ZC3H13: variants seen among roughly 807,000 people sequenced by gnomAD.
ZC3H13 encodes zinc finger CCCH domain-containing protein 13.
Under a neutral mutation model 204.1 loss-of-function variants are expected in ZC3H13, and 64 were observed. The ratio of observed to expected loss-of-function variants is 0.31; its 90% CI spans 0.26 to 0.39. The LOEUF (loss-of-function observed/expected upper bound fraction) is 0.39. Ranked by LOEUF, ZC3H13 falls within the 10% of genes least tolerant of loss-of-function variation. The probability of loss-of-function intolerance (pLI) is 1.00; values close to 1 mark genes in which losing one functional copy is unlikely to be tolerated. For synonymous variants in ZC3H13, 667 were observed against 693.7 expected, an observed-to-expected ratio of 0.96 and a Z score of 0.60; for missense variants, 1,833 against 2,082.7, an observed-to-expected ratio of 0.88 and a Z score of 2.33.
At chr13:46,046,153 T>C (rs915376823) in intron 1 of ZC3H13, among the ~76,000 whole-genome samples, 6 of 152,246 alleles carry the variant, frequency 3.9e-5, no homozygotes, top group African/African-American at 7.2e-5. Flanking sequence ...TCAATGTTGA[T>C]AGAAACAACT....
At position 45,962,194 on chromosome 13, in the gene ZC3H13, A is replaced by G. The variant is rs542940385; in HGVS notation, c.4675+1648T>C. 2.1e-5 allele frequency: 21 copies of G among 985,430 alleles called. No homozygotes were observed. In the South Asian group the frequency reaches 5.2e-4, roughly 24 times the overall value. 61.0% of individuals were successfully genotyped at this position (985,430 alleles called of 1,614,324 possible). ...CCTTGGATATGGCAGTAAACAAGAC[A>G]AAGTCTTTATTCAAGATAATACATC... On this transcript the variant is annotated intron_variant, in intron 17 of 18. Transcript: ENST00000679008.
chr13:45,977,985 A>T (rs1187411132), intron 11 of ZC3H13, among the ~76,000 whole-genome samples: 2 of 152,062 alleles, frequency 1.3e-5, no homozygotes, highest in Non-Finnish European at 2.9e-5. Context: ...CTCTGACTCC[A>T]ATCTCATAAT....
At chr13:45,980,153 T>C (rs1389189343) in intron 10 of ZC3H13, 149 bp from the exon 11 acceptor site, 1 of 686,162 alleles carries the variant, frequency 1.5e-6, no homozygotes, top group Non-Finnish European at 2.1e-6. Context: ...TATCAAGCAA[T>C]GAATCAGAAC....
At chr13:45,987,691 A>G (rs1461208244) in intron 9 of ZC3H13, among the ~76,000 whole-genome samples, 1 of 152,238 alleles carries the variant, frequency 6.6e-6, no homozygotes, top group African/African-American at 2.4e-5. Flanking sequence ...AACATGTTTC[A>G]TAGGAGACTG....
At chr13:46,047,293 A>T (rs1006445780) in intron 1 of ZC3H13, among the ~76,000 whole-genome samples, 3 of 152,196 alleles carry the variant, frequency 2.0e-5, no homozygotes, top group Admixed American at 1.3e-4. Flanking sequence ...TCAATATAAA[A>T]TGTAATAATT....
Position 45,968,919 on chromosome 13 carries a change from G to C in ZC3H13, c.3625C>G (p.Pro1209Ala), listed in dbSNP as rs749443871. ...CTTCGATGGGCTGAATCATTGGATG[G>C]GGAGCGAAGACGACCAGACGTATGA... Reference protein sequence around the residue: ...RSHTSGRLRSPSNDSAHRSGD... With the variant: ...RSHTSGRLRSASNDSAHRSGD... Residue 1209 changes from proline to alanine, a missense_variant, in exon 14 of 19, where the codon CCA becomes GCA. Around this residue, in one of 5 missense-constraint regions of ZC3H13, gnomAD observed 1,574 missense variants for 1,757.2 expected, o/e 0.90. Transcript: ENST00000679008. 3.7e-6 allele frequency: 6 copies of C among 1,614,142 alleles called. No individual in the cohort carries two copies. The highest frequency in any genetic ancestry group is 5.1e-6 in the Non-Finnish European group (6 of 1,180,026).
intron 17 of ZC3H13, chr13:45,963,222 G>A (rs569978304): frequency 3.0e-6 from 3 of 984,750 alleles, no homozygotes; most frequent in East Asian, 1.1e-4. Context: ...CAGATCATCC[G>A]GCCTTACAGA....
chr13:45,988,391 A>T (rs866970541), intron 9 of ZC3H13, among the ~76,000 whole-genome samples: 1 of 152,006 alleles, frequency 6.6e-6, no homozygotes, highest in African/African-American at 2.4e-5. Context: ...CCGAGTAGCT[A>T]GGACTACAGG....
chr13:46,005,909 A>G (rs1174786076), intron 7 of ZC3H13, among the ~76,000 whole-genome samples: 2 of 151,938 alleles, frequency 1.3e-5, no homozygotes, highest in African/African-American at 4.8e-5. Context: ...AGCATGACCA[A>G]CATGGTGAAA....
Position 45,969,432 on chromosome 13 carries a change from T to C in ZC3H13, c.3112A>G (p.Thr1038Ala), listed in dbSNP as rs1380841666. Residue 1038 changes from threonine (T) to alanine (A), a missense_variant, in exon 14 of 19, where the codon ACT (threonine) becomes GCT (alanine). By Grantham distance (58) the Thr-to-Ala change is moderately conservative (BLOSUM62 0). Transcript: ENST00000679008. ...CACATTTCAACCAATTCCTCTTTAG[T>C]TGTTATAGGGGGAGTCCGTGGGCCT... ...KRGPRTPPIT[T>A]KEELVEMCNG... The C allele has an allele frequency of 1.9e-6, 3 of 1,614,002 alleles. No individual in the cohort carries two copies. Among genetic ancestry groups the C allele is most frequent in the African/African-American group, 1.3e-5 (1 of 74,910 alleles).
At chr13:45,965,945 A>G (rs186127114) in intron 15 of ZC3H13, among the ~76,000 whole-genome samples, 1 of 152,280 alleles carries the variant, frequency 6.6e-6, no homozygotes, top group Admixed American at 6.5e-5. Flanking sequence ...TAAAAATACA[A>G]GAAGTGTCTA....
At chr13:46,016,766 T>A (rs1169054441) in intron 5 of ZC3H13, among the ~76,000 whole-genome samples, 3 of 152,172 alleles carry the variant, frequency 2.0e-5, no homozygotes, top group Non-Finnish European at 4.4e-5. Flanking sequence ...GAAAGATTAT[T>A]CTTGCTTTAA....
At chr13:45,979,528 T>C (rs749652036) in intron 11 of ZC3H13, among the ~76,000 whole-genome samples, 1 of 152,116 alleles carries the variant, frequency 6.6e-6, no homozygotes, top group Admixed American at 6.6e-5. Context: ...ACCATCTACA[T>C]TCTTTAAAGG....
intron 4 of ZC3H13, among the ~76,000 whole-genome samples, chr13:46,032,362 C>CAAAAAAAAAAAAAAAAAAAGAAAAAAAAA: frequency 1.0e-5 from 1 of 99,662 alleles, no homozygotes; most frequent in Non-Finnish European, 2.2e-5. Flanking sequence ...AGAAAAAGAC[C>CAAAAAAAAAAAAAAAAAAAGAAAAAAAAA]AAAAAAAAAA....
intron 10 of ZC3H13, among the ~76,000 whole-genome samples, chr13:45,981,949 C>T (rs1259290667): frequency 6.6e-6 from 1 of 150,978 alleles, no homozygotes; most frequent in Non-Finnish European, 1.5e-5. Flanking sequence ...AGCACACCAG[C>T]ATGACACATG....
intron 1 of ZC3H13, among the ~76,000 whole-genome samples, chr13:46,047,747 T>A (rs959012174): frequency 7.2e-5 from 11 of 152,198 alleles, no homozygotes; most frequent in Non-Finnish European, 1.5e-5. Flanking sequence ...GAGAAAAACA[T>A]AAAGTTTCAT....
rs1368961254 is a variant in ZC3H13, at chr13:45,956,295, T to C, written c.*832A>G. 1 of 152,132 alleles carries C rather than the reference T, an allele frequency of 6.6e-6. No homozygotes were observed. The highest frequency in any genetic ancestry group is 2.4e-5 in the African/African-American group (1 of 41,434). 9.4% of individuals were successfully genotyped at this position (152,132 alleles called of 1,614,324 possible). On this transcript the variant is annotated 3_prime_UTR_variant, in exon 19 of 19. Transcript: ENST00000679008. ...GAAGATGCCTTAAGTATCAATGAGC[T>C]ATATTTGAAGTACATCAACTCTGTT...
At chr13:46,047,027 A>G (rs1015909606) in intron 1 of ZC3H13, among the ~76,000 whole-genome samples, 1 of 152,192 alleles carries the variant, frequency 6.6e-6, no homozygotes, top group African/African-American at 2.4e-5. Context: ...TTTAGTCTCT[A>G]TAAAGATCAC....
intron 1 of ZC3H13, 116 bp from the exon 2 acceptor site, chr13:46,045,632 T>G: frequency 2.8e-6 from 2 of 724,924 alleles, no homozygotes; most frequent in East Asian, 2.5e-5. Context: ...CAGGAGATTT[T>G]CCTTGGGAGA....
Sources: allele counts gnomAD v4.1 joint callset (sites outside exome capture counted in the v4.1 genomes callset), GRCh38; gene constraint gnomAD v4.1.1; regional missense constraint gnomAD v4.1.1; transcripts MANE v1.5; gene names NCBI Gene and HGNC (gene_info 2026-07-23, HGNC 2026-07-21).